Variants in ANKRD44 observed in about 807,000 individuals in gnomAD.
ANKRD44 encodes serine/threonine-protein phosphatase 6 regulatory ankyrin repeat subunit B.
ANKRD44 carries 35 observed loss-of-function variants against 116.0 expected under a neutral mutation model. The observed-to-expected ratio is 0.30, with a 90% CI of 0.23 to 0.40. The LOEUF is 0.40. ANKRD44 is among the 10% of genes least tolerant of loss of function. The pLI is 1.00. For synonymous variants in ANKRD44, 435 were observed against 461.8 expected, an observed-to-expected ratio of 0.94 and a Z score of 0.74; for missense variants, 1,014 against 1,242.6, an observed-to-expected ratio of 0.82 and a Z score of 2.77.
chr2:197,230,725 G>C lies in ANKRD44; in HGVS notation c.28-43619C>G, dbSNP rs60779661. On this transcript the variant is annotated intron_variant, in intron 1 of 27. Transcript: ENST00000282272. ...TTTCTTTCTTTCTCATGTTACAGTG[G>C]GAAGCAAACTGGCACTGGTGGAGGG... is the stretch of plus-strand genomic sequence containing the variant. Among the ~76,000 whole-genome samples the C allele has an allele frequency of 1.9e-4, 29 of 152,226 alleles. No individual in the cohort carries two copies. The East Asian group carries it at 5.2e-3, about 27-fold the overall frequency.
intron 23 of ANKRD44, 81 bp downstream of exon 23, chr2:197,000,338 A>G: frequency 9.4e-7 from 1 of 1,061,692 alleles, no homozygotes; most frequent in Non-Finnish European, 1.4e-6. Context: ...AATTAAAAAC[A>G]TAGATGTTTG....
intron 16 of ANKRD44, among the ~76,000 whole-genome samples, chr2:197,075,538 T>C (rs1336498161): frequency 6.6e-6 from 1 of 152,152 alleles, no homozygotes; most frequent in African/African-American, 2.4e-5. Context: ...AGTACGAACG[T>C]CTTTGATCAA....
intron 1 of ANKRD44, among the ~76,000 whole-genome samples, chr2:197,247,356 C>T (rs2082215826): frequency 6.6e-6 from 1 of 152,162 alleles, no homozygotes. Flanking sequence ...GGTAGCTGGG[C>T]ATAGGTTGCT....
At chr2:197,192,593 C>G (rs1348735792) in intron 1 of ANKRD44, among the ~76,000 whole-genome samples, 1 of 152,164 alleles carries the variant, frequency 6.6e-6, no homozygotes, top group Non-Finnish European at 1.5e-5. Flanking sequence ...AGCTGAAACA[C>G]TTCGTTAGGT....
intron 1 of ANKRD44, among the ~76,000 whole-genome samples, chr2:197,268,045 T>C (rs1017039391): frequency 2.0e-5 from 3 of 152,104 alleles, no homozygotes; most frequent in African/African-American, 7.2e-5. Context: ...ATGTCTTAGA[T>C]TGTGGCAAGG....
At position 196,989,059 on chromosome 2, in the gene ANKRD44, T is replaced by C; in HGVS notation, c.*532A>G. The C allele has an allele frequency of 4.1e-6, 4 of 985,374 alleles. No homozygotes were observed. The highest frequency in any genetic ancestry group is 4.8e-6 in the Non-Finnish European group (4 of 829,978). 61.0% of individuals were successfully genotyped at this position (985,374 alleles called of 1,614,324 possible). On this transcript the variant is annotated 3_prime_UTR_variant, in exon 28 of 28. Coordinates refer to ENST00000282272, the MANE Select transcript of ANKRD44 (RefSeq NM_001195144.2). The stretch of plus-strand genomic sequence containing the variant: ...AACGCGGAAGAACCTGAGGGTCATC[T>C]GGAAACCTTAGCAGTGGAAATGCTA...
At chr2:197,244,587 T>C (rs1218360389) in intron 1 of ANKRD44, among the ~76,000 whole-genome samples, 1 of 152,252 alleles carries the variant, frequency 6.6e-6, no homozygotes, top group Non-Finnish European at 1.5e-5. Flanking sequence ...AGAACTCATC[T>C]ACCAGTTGAA....
chr2:197,194,508 G>A (rs947050078), intron 1 of ANKRD44, among the ~76,000 whole-genome samples: 9 of 152,154 alleles, frequency 5.9e-5, no homozygotes, highest in African/African-American at 2.2e-4. Context: ...GCCTGTTAGT[G>A]ACAAAGTTGA....
chr2:197,059,826 T>C (rs1321040976), intron 16 of ANKRD44, among the ~76,000 whole-genome samples: 3 of 152,230 alleles, frequency 2.0e-5, no homozygotes, highest in Non-Finnish European at 2.9e-5. Flanking sequence ...TAAACCATCA[T>C]GAAAACAGGT....
chr2:197,037,274 C>A (rs1190676567), intron 16 of ANKRD44, among the ~76,000 whole-genome samples: 1 of 152,196 alleles, frequency 6.6e-6, no homozygotes, highest in African/African-American at 2.4e-5. Flanking sequence ...ATGGTTGAAT[C>A]AGATGATTTC....
At chr2:197,211,355 T>C (rs1387910473) in intron 1 of ANKRD44, among the ~76,000 whole-genome samples, 1 of 152,172 alleles carries the variant, frequency 6.6e-6, no homozygotes, top group Non-Finnish European at 1.5e-5. Flanking sequence ...TTTCTGCATA[T>C]CCCAGTGAAT....
intron 1 of ANKRD44, chr2:197,301,212 A>G (rs1405137121): frequency 1.3e-5 from 2 of 152,136 alleles, no homozygotes; most frequent in South Asian, 2.1e-4. Flanking sequence ...TCTGGTTTCT[A>G]TTTTATTGTG....
At chr2:196,999,089 T>C in intron 23 of ANKRD44, 37 bp from the exon 24 acceptor site, 2 of 1,607,394 alleles carry the variant, frequency 1.2e-6, no homozygotes, top group Non-Finnish European at 1.7e-6. Flanking sequence ...TAGTTTCCTT[T>C]AAACTTTATT....
chr2:197,146,946 G>A, intron 3 of ANKRD44, 81 bp downstream of exon 3: 3 of 1,244,332 alleles, frequency 2.4e-6, no homozygotes, highest in Non-Finnish European at 3.4e-6. Context: ...TTTTGCTTGG[G>A]TTCACTGTAG....
chr2:197,249,278 A>T (rs1422992213), intron 1 of ANKRD44, among the ~76,000 whole-genome samples: 9 of 152,238 alleles, frequency 5.9e-5, no homozygotes, highest in Non-Finnish European at 1.2e-4. Context: ...GTCTCAAAAA[A>T]TGTACAGAAA....
At chr2:197,257,718 T>C (rs145257002) in intron 1 of ANKRD44, among the ~76,000 whole-genome samples, 2 of 152,218 alleles carry the variant, frequency 1.3e-5, no homozygotes, top group East Asian at 1.9e-4. Context: ...ACACCTACTA[T>C]GTACCCACAA....
intron 3 of ANKRD44, among the ~76,000 whole-genome samples, chr2:197,138,079 C>T (rs532100527): frequency 4.6e-5 from 7 of 152,264 alleles, no homozygotes; most frequent in Non-Finnish European, 1.0e-4. Context: ...TGACCAAGAG[C>T]CACTAATCTG....
intron 4 of ANKRD44, among the ~76,000 whole-genome samples, chr2:197,130,607 T>C (rs1351673097): frequency 6.6e-6 from 1 of 152,264 alleles, no homozygotes; most frequent in Non-Finnish European, 1.5e-5. Flanking sequence ...ACCGCTTGTC[T>C]ACATTCTAAT....
At chr2:196,982,522 A>C (rs887739829), downstream of ANKRD44, among the ~76,000 whole-genome samples, 2 of 152,150 alleles carry the variant, frequency 1.3e-5, no homozygotes, top group Non-Finnish European at 2.9e-5. Context: ...ACTCCAAATC[A>C]ACTTTCACAT....
Sources: allele counts gnomAD v4.1 joint callset (sites outside exome capture counted in the v4.1 genomes callset), GRCh38; gene constraint gnomAD v4.1.1; transcripts MANE v1.5; gene names NCBI Gene and HGNC (gene_info 2026-07-23, HGNC 2026-07-21).